KCNQ5: variants seen among roughly 807,000 people sequenced by gnomAD.
The protein encoded by KCNQ5 is potassium voltage-gated channel subfamily KQT member 5.
In KCNQ5, 30 loss-of-function variants were observed where a neutral mutation model predicts 98.2. The observed-to-expected ratio is 0.31, with a 90% confidence interval of 0.23 to 0.41. KCNQ5 has a LOEUF of 0.41. Among genes scored for constraint, KCNQ5 ranks in the 10% least tolerant of loss-of-function variants. The probability of loss-of-function intolerance (pLI) is 1.00; values close to 1 mark genes in which losing one functional copy is unlikely to be tolerated. For missense variants in KCNQ5, 835 were observed against 1,182.5 expected (o/e 0.71, Z 4.31); for synonymous variants, 458 against 449.4 (o/e 1.02, Z -0.24).
chr6:73,082,620 C>T (rs773082704), intron 5 of KCNQ5, among the ~76,000 whole-genome samples: 42 of 152,312 alleles, frequency 2.8e-4, no homozygotes, highest in African/African-American at 8.4e-4. Flanking sequence ...CAAAATGTCA[C>T]GCTCACATGG....
intron 1 of KCNQ5, among the ~76,000 whole-genome samples, chr6:72,657,114 G>GC (rs1454152646): frequency 6.6e-6 from 1 of 152,122 alleles, no homozygotes; most frequent in East Asian, 1.9e-4. Context: ...AGAGATTGAG[G>GC]CAAGAGGATA....
chr6:72,887,224 T>C (rs2150178986), intron 1 of KCNQ5, among the ~76,000 whole-genome samples: 1 of 152,294 alleles, frequency 6.6e-6, no homozygotes, highest in East Asian at 1.9e-4. Flanking sequence ...CAGTTCCACA[T>C]GGCTGGGAAG....
chr6:73,157,280 C>A (rs917636229), intron 10 of KCNQ5, among the ~76,000 whole-genome samples: 2 of 152,160 alleles, frequency 1.3e-5, no homozygotes, highest in Non-Finnish European at 2.9e-5. Flanking sequence ...AGAAGGTCCC[C>A]AAATCCTCCT....
chr6:73,100,057 AAC>A (rs1488287569), intron 5 of KCNQ5, among the ~76,000 whole-genome samples: 3 of 152,244 alleles, frequency 2.0e-5, no homozygotes, highest in Non-Finnish European at 4.4e-5. Flanking sequence ...AAACTATACA[AAC>A]ACATGTAAAT....
At chr6:72,709,503 G>A (rs1426070401) in intron 1 of KCNQ5, among the ~76,000 whole-genome samples, 1 of 152,202 alleles carries the variant, frequency 6.6e-6, no homozygotes, top group East Asian at 1.9e-4. Flanking sequence ...CCAGAAAAGA[G>A]ATGCTTAAAC....
At chr6:72,754,942 A>G (rs1179220824) in intron 1 of KCNQ5, among the ~76,000 whole-genome samples, 1 of 151,418 alleles carries the variant, frequency 6.6e-6, no homozygotes, top group Non-Finnish European at 1.5e-5. Flanking sequence ...CTTTTTTTTT[A>G]GTTCTCTCAG....
At chr6:72,929,636 A>T (rs1404565667) in intron 1 of KCNQ5, among the ~76,000 whole-genome samples, 1 of 152,172 alleles carries the variant, frequency 6.6e-6, no homozygotes, top group East Asian at 1.9e-4. Context: ...TAAAGTACAT[A>T]AAGTACAATG....
intron 2 of KCNQ5, among the ~76,000 whole-genome samples, chr6:73,018,970 C>T (rs1326922846): frequency 6.6e-6 from 1 of 152,172 alleles, no homozygotes; most frequent in East Asian, 1.9e-4. Flanking sequence ...GACAGATCTT[C>T]CCAGTCTTGT....
intron 7 of KCNQ5, among the ~76,000 whole-genome samples, chr6:73,118,479 A>G (rs941494238): frequency 6.6e-6 from 1 of 151,592 alleles, no homozygotes; most frequent in Non-Finnish European, 1.5e-5. Flanking sequence ...TCTTTTAATG[A>G]ACATATATAA....
chr6:73,141,392 T>C (rs1776705139), intron 10 of KCNQ5, among the ~76,000 whole-genome samples: 1 of 152,220 alleles, frequency 6.6e-6, no homozygotes, highest in South Asian at 2.1e-4. Flanking sequence ...CATTACTTTT[T>C]GTGAAATGCT....
At chr6:72,680,761 C>T (rs2154473795) in intron 1 of KCNQ5, among the ~76,000 whole-genome samples, 1 of 152,272 alleles carries the variant, frequency 6.6e-6, no homozygotes, top group Non-Finnish European at 1.5e-5. Context: ...GAGGAAATAT[C>T]CCCTTTCAAT....
At chr6:72,974,496 C>T (rs1189313451) in intron 1 of KCNQ5, among the ~76,000 whole-genome samples, 1 of 151,908 alleles carries the variant, frequency 6.6e-6, no homozygotes, top group Non-Finnish European at 1.5e-5. Flanking sequence ...CGTGCATTTT[C>T]AAGGGCCTAG....
intron 1 of KCNQ5, among the ~76,000 whole-genome samples, chr6:72,745,334 C>G (rs1211204874): frequency 1.3e-5 from 2 of 152,170 alleles, no homozygotes; most frequent in African/African-American, 4.8e-5. Flanking sequence ...AGGTTTAGCT[C>G]TTTAATATCA....
chr6:73,119,603 A>G lies in KCNQ5; in HGVS notation c.1126-880A>G, dbSNP rs565245964. 3.3e-5 allele frequency among the ~76,000 whole-genome samples: 5 copies of G among 152,248 alleles called. No homozygotes were observed. In the South Asian group the frequency reaches 8.3e-4, roughly 25 times the overall value. ...TTTAGTTCTGCTTCTTGATATCACT[A>G]TCTTCATTTTTAGCATTAGAAGTAT... is the stretch of plus-strand genomic sequence containing the variant. On this transcript the variant is annotated intron_variant, in intron 7 of 13. Coordinates refer to ENST00000370398, the MANE Select transcript of KCNQ5 (RefSeq NM_019842.4).
chr6:72,688,738 C>T (rs1047130716), intron 1 of KCNQ5, among the ~76,000 whole-genome samples: 11 of 152,098 alleles, frequency 7.2e-5, no homozygotes, highest in African/African-American at 2.7e-4. Flanking sequence ...AAAATTGCAT[C>T]GTATTTATCT....
chr6:72,899,429 C>T (rs542000075), intron 1 of KCNQ5, among the ~76,000 whole-genome samples: 9 of 152,038 alleles, frequency 5.9e-5, no homozygotes, highest in South Asian at 2.1e-4. Flanking sequence ...TATGAGAGTG[C>T]GATTATGGGG....
At chr6:72,634,156 T>G (rs2098922656) in intron 1 of KCNQ5, among the ~76,000 whole-genome samples, 1 of 152,224 alleles carries the variant, frequency 6.6e-6, no homozygotes, top group Non-Finnish European at 1.5e-5. Flanking sequence ...TGGGGTCTAG[T>G]ATAGCTCTCA....
chr6:72,957,064 T>C (rs1767113452), intron 1 of KCNQ5, among the ~76,000 whole-genome samples: 1 of 152,002 alleles, frequency 6.6e-6, no homozygotes, highest in African/African-American at 2.4e-5. Flanking sequence ...AGCACAGCCT[T>C]GAGTGCTTCA....
At chr6:72,998,779 CT>C (rs1769428392) in intron 1 of KCNQ5, among the ~76,000 whole-genome samples, 1 of 151,966 alleles carries the variant, frequency 6.6e-6, no homozygotes, top group Non-Finnish European at 1.5e-5. Flanking sequence ...TCAAAACTTT[CT>C]TAATGAGTAT....
Sources: allele counts gnomAD v4.1 joint callset (sites outside exome capture counted in the v4.1 genomes callset), GRCh38; gene constraint gnomAD v4.1.1; transcripts MANE v1.5; gene names NCBI Gene and HGNC (gene_info 2026-07-23, HGNC 2026-07-21).